Variants in GNG7 observed in about 807,000 individuals in gnomAD.
The protein encoded by GNG7 is G protein subunit gamma 7.
GNG7 carries 1 observed loss-of-function variant against 4.0 expected under a neutral mutation model. The ratio of observed to expected loss-of-function variants is 0.25; its 90% CI spans 0.09 to 1.18. The LOEUF (loss-of-function observed/expected upper bound fraction) is 1.18, where lower values mean the gene tolerates loss of function less well. GNG7 is among the 50% of genes most tolerant of loss of function. The pLI is 0.50. For missense variants in GNG7, 86 were observed against 91.9 expected (o/e 0.94, Z 0.26); for synonymous variants, 34 against 36.9 (o/e 0.92, Z 0.29).
At chr19:2,635,520 T>C (rs542286113) in intron 2 of GNG7, among the ~76,000 whole-genome samples, 2 of 151,974 alleles carry the variant, frequency 1.3e-5, no homozygotes, top group East Asian at 3.9e-4. Flanking sequence ...TGCAGCCTCC[T>C]GGAACCTCAG....
chr19:2,558,507 A>G (rs1342363498), intron 2 of GNG7, among the ~76,000 whole-genome samples: 1 of 152,034 alleles, frequency 6.6e-6, no homozygotes, highest in East Asian at 1.9e-4. Flanking sequence ...GTGCTGGATG[A>G]CAGGTGTGTG....
chr19:2,669,694 A>G (rs922604489), intron 1 of GNG7, among the ~76,000 whole-genome samples: 1 of 151,644 alleles, frequency 6.6e-6, no homozygotes, highest in African/African-American at 2.4e-5. Flanking sequence ...GAAAATATTT[A>G]CTCTCTGGCT....
Position 2,515,127 on chromosome 19 carries a change from G to T in GNG7, c.102C>A (p.Asp34Glu), listed in dbSNP as rs1426477471. 1 of 1,613,920 alleles carries T rather than the reference G, an allele frequency of 6.2e-7. No homozygotes were observed. The highest frequency in any genetic ancestry group is 2.2e-5 in the East Asian group (1 of 44,882). The part of the protein sequence containing the change: ...ERIKVSKAAS[D>E]LMSYCEQHAR... ...CATGTTGCTCACAGTAGCTCATGAG[G>T]TCAGACGCCGCTTTGGAGACCTGTG... Residue 34 changes from aspartate (D) to glutamate (E), a missense_variant, in exon 5 of 5, where the codon GAC becomes GAA. Asp to Glu is a conservative substitution (Grantham distance 45). Transcript: ENST00000382159.
intron 2 of GNG7, among the ~76,000 whole-genome samples, chr19:2,635,072 G>A (rs1982270699): frequency 6.6e-6 from 1 of 152,206 alleles, no homozygotes; most frequent in South Asian, 2.1e-4. Context: ...GTTCTCTGGG[G>A]TGGGGTCGTC....
chr19:2,519,044 C>T (rs924063269), intron 4 of GNG7, among the ~76,000 whole-genome samples: 6 of 151,672 alleles, frequency 4.0e-5, no homozygotes, highest in Non-Finnish European at 1.5e-5. Context: ...GATCCGCCCA[C>T]CTCAGCCTCC....
chr19:2,563,874 C>T (rs1403411492), intron 2 of GNG7, among the ~76,000 whole-genome samples: 1 of 152,040 alleles, frequency 6.6e-6, no homozygotes, highest in African/African-American at 2.4e-5. Context: ...CCTTCGCACC[C>T]AAACTTCCTT....
intron 2 of GNG7, chr19:2,610,600 G>C (rs907818248): frequency 6.6e-6 from 1 of 151,704 alleles, no homozygotes; most frequent in Middle Eastern, 3.2e-3. Context: ...CACCCGCCTC[G>C]CAAAGTGGTG....
intron 2 of GNG7, among the ~76,000 whole-genome samples, chr19:2,638,447 A>G (rs1363067651): frequency 3.3e-5 from 1 of 30,662 alleles, no homozygotes; most frequent in Middle Eastern, 0.021. Flanking sequence ...GGGGAGGGGG[A>G]GGGGAGGGGG....
intron 1 of GNG7, among the ~76,000 whole-genome samples, chr19:2,698,994 C>A (rs1036043195): frequency 5.3e-5 from 8 of 152,148 alleles, no homozygotes; most frequent in Non-Finnish European, 1.0e-4. Flanking sequence ...ATTTGAGCTT[C>A]GTTGGAAGCT....
intron 4 of GNG7, 75 bp from the exon 5 acceptor site, chr19:2,515,222 T>C: frequency 4.4e-6 from 7 of 1,584,820 alleles, no homozygotes; most frequent in Non-Finnish European, 6.0e-6. Flanking sequence ...AGCAGCACCA[T>C]TCCCAAGAGC....
intron 2 of GNG7, among the ~76,000 whole-genome samples, chr19:2,583,498 G>T (rs541404553): frequency 6.6e-6 from 1 of 152,274 alleles, no homozygotes; most frequent in Admixed American, 6.5e-5. Flanking sequence ...CCCAGCCCAA[G>T]CTGTGTGGCA....
At chr19:2,529,426 C>T (rs1568232887) in intron 3 of GNG7, among the ~76,000 whole-genome samples, 1 of 152,140 alleles carries the variant, frequency 6.6e-6, no homozygotes, top group Non-Finnish European at 1.5e-5. Context: ...CCATGTTGGC[C>T]AGGCTGGTCT....
intron 1 of GNG7, among the ~76,000 whole-genome samples, chr19:2,680,924 T>C (rs1983716520): frequency 6.6e-6 from 1 of 152,006 alleles, no homozygotes; most frequent in African/African-American, 2.4e-5. Flanking sequence ...CCCCATGTCC[T>C]ACCTCCCCGT....
chr19:2,623,742 A>G (rs60677855), intron 2 of GNG7, among the ~76,000 whole-genome samples: 32,390 of 152,112 alleles, frequency 0.21, 6,735 homozygotes, highest in African/African-American at 0.55. Context: ...TTAGCCGGGC[A>G]TAGTGGCAGG....
intron 1 of GNG7, among the ~76,000 whole-genome samples, chr19:2,700,133 C>CTT (rs61629688): frequency 2.1e-5 from 3 of 142,006 alleles, no homozygotes; most frequent in African/African-American, 7.8e-5. Flanking sequence ...TGTTGCAGTC[C>CTT]TTTTTTTTTT....
At chr19:2,625,484 G>A (rs946100856) in intron 2 of GNG7, among the ~76,000 whole-genome samples, 1 of 152,164 alleles carries the variant, frequency 6.6e-6, no homozygotes, top group Non-Finnish European at 1.5e-5. Flanking sequence ...AAAGTGCTGG[G>A]ATTACAGGCG....
Position 2,659,261 on chromosome 19 carries a change from G to A in GNG7, c.-134-12981C>T, listed in dbSNP as rs976404301. Among the ~76,000 whole-genome samples the A allele has an allele frequency of 3.5e-4, 53 of 150,352 alleles. 1 individual carries two copies. Among genetic ancestry groups the A allele is most frequent in the Non-Finnish European group, 7.5e-4 (51 of 67,662 alleles). On this transcript the variant is annotated intron_variant, in intron 1 of 4. Transcript: ENST00000382159. ...TGGGATGACAGACGTGAGCCACTGC[G>A]CCTGGCCTTGATTTTTTTTAAATAA...
chr19:2,688,398 C>T (rs1056484504), intron 1 of GNG7, among the ~76,000 whole-genome samples: 2 of 152,144 alleles, frequency 1.3e-5, no homozygotes, highest in Non-Finnish European at 2.9e-5. Context: ...GCTAAGGCCA[C>T]CTGGGCTGGG....
At chr19:2,690,956 C>T (rs1913122377) in intron 1 of GNG7, among the ~76,000 whole-genome samples, 1 of 152,134 alleles carries the variant, frequency 6.6e-6, no homozygotes, top group Non-Finnish European at 1.5e-5. Flanking sequence ...TTCTCCAAAC[C>T]CGTAGAATCT....
Sources: gnomAD v4.1 joint callset for allele counts (sites outside exome capture counted in the v4.1 genomes callset) on GRCh38, gnomAD v4.1.1 for gene constraint, MANE v1.5 for transcripts, NCBI Gene and HGNC (gene_info 2026-07-23, HGNC 2026-07-21) for gene names.